The following IQCJ variants were observed in gnomAD, a reference collection of about 807,000 sequenced individuals.
IQCJ encodes the protein IQ domain-containing protein J.
Under a neutral mutation model 11.0 loss-of-function variants are expected in IQCJ, and 9 were observed. That is an observed-to-expected ratio of 0.82 (90% CI 0.49 to 1.43). The LOEUF is 1.43. Among genes scored for constraint, IQCJ ranks in the 40% most tolerant of loss-of-function variants. IQCJ has a pLI of 0.00. For synonymous variants in IQCJ, 55 were observed against 51.3 expected, an observed-to-expected ratio of 1.07 and a Z score of -0.31; for missense variants, 146 against 133.2, an observed-to-expected ratio of 1.10 and a Z score of -0.47.
At chr3:159,154,025 G>A (rs1331922274) in intron 1 of IQCJ, among the ~76,000 whole-genome samples, 1 of 152,104 alleles carries the variant, frequency 6.6e-6, no homozygotes, top group Admixed American at 6.5e-5. Flanking sequence ...TAATGAATTA[G>A]CCATAATAAA....
intron 1 of IQCJ, among the ~76,000 whole-genome samples, chr3:159,128,908 T>G (rs916481710): frequency 6.6e-6 from 1 of 152,192 alleles, no homozygotes; most frequent in African/African-American, 2.4e-5. Flanking sequence ...CATATGCCCT[T>G]TGTTTTCCTG....
intron 1 of IQCJ, among the ~76,000 whole-genome samples, chr3:159,171,231 A>G (rs963088879): frequency 1.3e-5 from 2 of 151,974 alleles, no homozygotes; most frequent in African/African-American, 2.4e-5. Flanking sequence ...ATCTAAATCT[A>G]TATTTATCTG....
intron 1 of IQCJ, among the ~76,000 whole-genome samples, chr3:159,071,805 A>G (rs1357998684): frequency 6.6e-6 from 1 of 152,064 alleles, no homozygotes; most frequent in African/African-American, 2.4e-5. Context: ...CCAGGCCTTT[A>G]TTTTATGAAA....
chr3:159,109,699 C>G (rs1250548055), intron 1 of IQCJ, among the ~76,000 whole-genome samples: 1 of 151,878 alleles, frequency 6.6e-6, no homozygotes, highest in Non-Finnish European at 1.5e-5. Context: ...CCTTCACATT[C>G]AAATGCCTCT....
At chr3:159,118,909 G>A (rs888986204) in intron 1 of IQCJ, among the ~76,000 whole-genome samples, 4 of 152,302 alleles carry the variant, frequency 2.6e-5, no homozygotes, top group Non-Finnish European at 4.4e-5. Flanking sequence ...CCAGACAACA[G>A]CCTTTCTTCT....
At position 159,262,847 on chromosome 3, in the gene IQCJ, C is replaced by T. The variant is rs1440866339; in HGVS notation, c.*116C>T. 2.8e-6 allele frequency: 4 copies of T among 1,430,916 alleles called. No homozygotes were observed. The highest frequency in any genetic ancestry group is 3.7e-6 in the Non-Finnish European group (4 of 1,086,406). The allele number at this position is 1,430,916 out of a possible 1,614,324, so 88.6% of individuals were successfully genotyped here. A position where few individuals can be genotyped will look rare whatever the true frequency, so the allele number is the denominator to read the frequency against. ...GGAACCCATGGTGAGAGTTTTGTCA[C>T]CTCAAAATAAAGACACAATTCATAA... On this transcript the variant is annotated 3_prime_UTR_variant, in exon 4 of 4. Coordinates refer to ENST00000397832, the MANE Select transcript of IQCJ (RefSeq NM_001042706.3).
chr3:159,085,956 TA>T (rs1403019713), intron 1 of IQCJ, among the ~76,000 whole-genome samples: 1 of 152,026 alleles, frequency 6.6e-6, no homozygotes, highest in Admixed American at 6.6e-5. Context: ...CTTTTGTTGC[TA>T]TTGCTTTTGG....
At position 159,142,326 on chromosome 3, in the gene IQCJ, C is replaced by T. The variant is rs114948290; in HGVS notation, c.9+72885C>T. ...CAAAGAGAATATAAGATCTTGTGTT[C>T]TTCATAGCTGGTCTCCAAGGCCCCA... On this transcript the variant is annotated intron_variant, in intron 1 of 3. Coordinates refer to ENST00000397832, the MANE Select transcript of IQCJ (RefSeq NM_001042706.3). 3.2e-3 allele frequency among the ~76,000 whole-genome samples: 484 copies of T among 152,246 alleles called. 5 individuals are homozygous for T. The highest frequency in any genetic ancestry group is 0.011 in the African/African-American group (441 of 41,522).
chr3:159,251,063 G>T (rs112555267), intron 2 of IQCJ, among the ~76,000 whole-genome samples: 7 of 152,188 alleles, frequency 4.6e-5, no homozygotes, highest in South Asian at 2.1e-4. Flanking sequence ...GAATACCAAT[G>T]GCACAGAGTA....
intron 1 of IQCJ, among the ~76,000 whole-genome samples, chr3:159,127,407 G>A (rs1172351573): frequency 6.6e-6 from 1 of 152,164 alleles, no homozygotes; most frequent in Non-Finnish European, 1.5e-5. Flanking sequence ...TGTTGTATTT[G>A]ATTCTTATTT....
At chr3:159,221,740 TC>T (rs1394797778) in intron 1 of IQCJ, among the ~76,000 whole-genome samples, 3 of 151,844 alleles carry the variant, frequency 2.0e-5, no homozygotes, top group Non-Finnish European at 2.9e-5. Flanking sequence ...CAGTTTTAAC[TC>T]CATTCACTCT....
At chr3:159,075,766 G>A (rs1715872712) in intron 1 of IQCJ, among the ~76,000 whole-genome samples, 1 of 152,128 alleles carries the variant, frequency 6.6e-6, no homozygotes, top group Non-Finnish European at 1.5e-5. Flanking sequence ...CTTCATGGCA[G>A]ATGAATGAGG....
chr3:159,074,205 C>A (rs1419583555), intron 1 of IQCJ, among the ~76,000 whole-genome samples: 1 of 152,002 alleles, frequency 6.6e-6, no homozygotes, highest in African/African-American at 2.4e-5. Context: ...GTGGAGGCTC[C>A]ACTGAATGGA....
chr3:159,190,713 G>A (rs895109575), intron 1 of IQCJ, among the ~76,000 whole-genome samples: 4 of 152,138 alleles, frequency 2.6e-5, no homozygotes, highest in Non-Finnish European at 2.9e-5. Context: ...CCTGTGTCCC[G>A]GTTCTAGCTT....
At chr3:159,169,495 G>T (rs1165359531) in intron 1 of IQCJ, among the ~76,000 whole-genome samples, 1 of 151,398 alleles carries the variant, frequency 6.6e-6, no homozygotes, top group Non-Finnish European at 1.5e-5. Flanking sequence ...TCACCATGTT[G>T]GTCAGGCTGG....
chr3:159,132,936 G>T (rs1028952049), intron 1 of IQCJ, among the ~76,000 whole-genome samples: 1 of 151,654 alleles, frequency 6.6e-6, no homozygotes, highest in Non-Finnish European at 1.5e-5. Context: ...TTCTTTCTTT[G>T]CTTTCTTTTC....
chr3:159,163,855 T>C (rs372552078), intron 1 of IQCJ, among the ~76,000 whole-genome samples: 1 of 152,336 alleles, frequency 6.6e-6, no homozygotes, highest in South Asian at 2.1e-4. Context: ...GAACACTGCA[T>C]ACACTACGCT....
intron 1 of IQCJ, among the ~76,000 whole-genome samples, chr3:159,153,146 A>G (rs1162741525): frequency 6.6e-6 from 1 of 152,234 alleles, no homozygotes; most frequent in East Asian, 1.9e-4. Flanking sequence ...TTAAGATAAT[A>G]TTTGGCATAC....
intron 3 of IQCJ, among the ~76,000 whole-genome samples, chr3:159,255,924 A>G (rs1727868625): frequency 6.6e-6 from 1 of 152,208 alleles, no homozygotes; most frequent in African/African-American, 2.4e-5. Context: ...AAGGCTAAAG[A>G]TGAATGTGTT....
Sources: gnomAD v4.1 joint callset for allele counts (sites outside exome capture counted in the v4.1 genomes callset) on GRCh38, gnomAD v4.1.1 for gene constraint, MANE v1.5 for transcripts, NCBI Gene and HGNC (gene_info 2026-07-23, HGNC 2026-07-21) for gene names.